KCNH8: variants seen among roughly 807,000 people sequenced by gnomAD.
KCNH8 encodes voltage-gated delayed rectifier potassium channel KCNH8.
KCNH8 carries 70 observed loss-of-function variants against 103.6 expected under a neutral mutation model. The ratio of observed to expected loss-of-function variants is 0.68; its 90% CI spans 0.56 to 0.82. The LOEUF (loss-of-function observed/expected upper bound fraction) is 0.82. Ranked by LOEUF, KCNH8 falls within the 40% of genes least tolerant of loss-of-function variation. The probability of loss-of-function intolerance (pLI) is 0.00; values close to 1 mark genes in which losing one functional copy is unlikely to be tolerated. For synonymous variants in KCNH8, 498 were observed against 489.4 expected, an observed-to-expected ratio of 1.02 and a Z score of -0.23; for missense variants, 1,217 against 1,329.9, an observed-to-expected ratio of 0.92 and a Z score of 1.32.
chr3:19,230,717 G>A (rs986094203), intron 1 of KCNH8, among the ~76,000 whole-genome samples: 4 of 151,716 alleles, frequency 2.6e-5, no homozygotes, highest in Non-Finnish European at 5.9e-5. Flanking sequence ...AAAACAGATG[G>A]TTTGCACTTA....
chr3:19,155,869 G>A (rs1317125164), intron 1 of KCNH8, among the ~76,000 whole-genome samples: 3 of 151,966 alleles, frequency 2.0e-5, no homozygotes, highest in Admixed American at 6.6e-5. Context: ...TTTAACACTC[G>A]ACCATGAACT....
chr3:19,279,568 T>TAA (rs55996488), intron 2 of KCNH8, among the ~76,000 whole-genome samples: 115 of 142,540 alleles, frequency 8.1e-4, no homozygotes, highest in African/African-American at 2.7e-3. Flanking sequence ...GCCATAGGGC[T>TAA]AAAAAAAAAA....
At chr3:19,369,749 T>C (rs1477021610) in intron 5 of KCNH8, among the ~76,000 whole-genome samples, 1 of 151,938 alleles carries the variant, frequency 6.6e-6, no homozygotes, top group Non-Finnish European at 1.5e-5. Flanking sequence ...TAGGGCCCTT[T>C]ACAGATTTCT....
intron 5 of KCNH8, among the ~76,000 whole-genome samples, chr3:19,366,777 T>A (rs1057037509): frequency 6.6e-6 from 1 of 152,034 alleles, no homozygotes; most frequent in Non-Finnish European, 1.5e-5. Context: ...TGGAATAACC[T>A]CCTCTTCCCG....
chr3:19,350,139 A>C (rs1279757316), intron 5 of KCNH8, among the ~76,000 whole-genome samples: 1 of 152,144 alleles, frequency 6.6e-6, no homozygotes, highest in African/African-American at 2.4e-5. Flanking sequence ...ATATTTAGAA[A>C]AATGGCTTAA....
At chr3:19,182,699 C>G (rs1322416867) in intron 1 of KCNH8, among the ~76,000 whole-genome samples, 1 of 151,986 alleles carries the variant, frequency 6.6e-6, no homozygotes, top group Non-Finnish European at 1.5e-5. Context: ...CCTAGTAGGC[C>G]TCTTTACTGA....
chr3:19,487,921 T>C (rs2068243326), intron 11 of KCNH8, among the ~76,000 whole-genome samples: 1 of 152,174 alleles, frequency 6.6e-6, no homozygotes, highest in South Asian at 2.1e-4. Flanking sequence ...TGGAAACTTC[T>C]GTTGCTCCGA....
At chr3:19,198,286 G>T (rs900176575) in intron 1 of KCNH8, among the ~76,000 whole-genome samples, 1 of 152,066 alleles carries the variant, frequency 6.6e-6, no homozygotes, top group Non-Finnish European at 1.5e-5. Flanking sequence ...TAAGATAGTG[G>T]TGGTTTCTTG....
intron 7 of KCNH8, among the ~76,000 whole-genome samples, chr3:19,417,102 T>A (rs2066875652): frequency 6.6e-6 from 1 of 151,150 alleles, no homozygotes; most frequent in Non-Finnish European, 1.5e-5. Context: ...TCCTACTCTT[T>A]ATTTTTAATA....
At chr3:19,433,320 TC>T (rs943017782) in intron 7 of KCNH8, among the ~76,000 whole-genome samples, 4 of 152,182 alleles carry the variant, frequency 2.6e-5, no homozygotes, top group Non-Finnish European at 5.9e-5. Flanking sequence ...AAATCTGCCA[TC>T]TTTATCCCAT....
intron 14 of KCNH8, among the ~76,000 whole-genome samples, chr3:19,515,896 G>A (rs1056610190): frequency 1.3e-5 from 2 of 152,072 alleles, no homozygotes; most frequent in South Asian, 2.1e-4. Context: ...TGGAAATGAC[G>A]GAGAACTATG....
intron 11 of KCNH8, among the ~76,000 whole-genome samples, chr3:19,467,969 CCA>C (rs2067777703): frequency 6.6e-6 from 1 of 152,126 alleles, no homozygotes; most frequent in African/African-American, 2.4e-5. Flanking sequence ...CCCCTCCTCC[CCA>C]CCTCTGCTGC....
At chr3:19,370,907 A>G (rs1297480214) in intron 5 of KCNH8, among the ~76,000 whole-genome samples, 6 of 151,802 alleles carry the variant, frequency 4.0e-5, no homozygotes, top group Admixed American at 6.6e-5. Context: ...ATGATTTCCA[A>G]TTTCATCCAT....
intron 2 of KCNH8, among the ~76,000 whole-genome samples, chr3:19,262,620 A>T (rs956365629): frequency 2.0e-5 from 3 of 152,014 alleles, no homozygotes; most frequent in African/African-American, 7.2e-5. Flanking sequence ...AGAGCAAAAG[A>T]TGTCATGCCC....
chr3:19,162,847 C>A (rs982757542), intron 1 of KCNH8, among the ~76,000 whole-genome samples: 4 of 152,054 alleles, frequency 2.6e-5, no homozygotes, highest in Non-Finnish European at 5.9e-5. Context: ...GAAATGTTTG[C>A]ACTTTCCAAT....
chr3:19,473,725 G>T (rs572135147), intron 11 of KCNH8, among the ~76,000 whole-genome samples: 1 of 152,148 alleles, frequency 6.6e-6, no homozygotes, highest in South Asian at 2.1e-4. Context: ...TATCATATTT[G>T]CCAACCAGTA....
intron 5 of KCNH8, among the ~76,000 whole-genome samples, chr3:19,365,016 G>C (rs1231743145): frequency 6.6e-6 from 1 of 152,068 alleles, no homozygotes; most frequent in East Asian, 1.9e-4. Context: ...CCTTAGGCAA[G>C]ATGTAATAGG....
intron 5 of KCNH8, among the ~76,000 whole-genome samples, chr3:19,374,015 T>A (rs933443371): frequency 3.7e-4 from 56 of 152,192 alleles, no homozygotes; most frequent in African/African-American, 1.2e-3. Context: ...TGCTGAGGAG[T>A]GCTTTACTTC....
At chr3:19,188,315 A>G (rs897976051) in intron 1 of KCNH8, among the ~76,000 whole-genome samples, 1 of 152,128 alleles carries the variant, frequency 6.6e-6, no homozygotes, top group African/African-American at 2.4e-5. Context: ...GATATTGGCA[A>G]TCTTTCTGTA....
Sources: gnomAD v4.1 joint callset for allele counts (sites outside exome capture counted in the v4.1 genomes callset) on GRCh38, gnomAD v4.1.1 for gene constraint, MANE v1.5 for transcripts, NCBI Gene and HGNC (gene_info 2026-07-23, HGNC 2026-07-21) for gene names.